Variants in WDR4 observed in about 807,000 individuals in gnomAD.
WDR4 encodes tRNA (guanine-N(7)-)-methyltransferase non-catalytic subunit WDR4.
WDR4 carries 47 observed loss-of-function variants against 48.6 expected under a neutral mutation model. The observed-to-expected ratio is 0.97, with a 90% CI of 0.77 to 1.23. WDR4 has a LOEUF of 1.23. Among genes scored for constraint, WDR4 ranks in the 50% most tolerant of loss-of-function variants. The probability of loss-of-function intolerance (pLI) is 0.00; values close to 1 mark genes in which losing one functional copy is unlikely to be tolerated. For missense variants in WDR4, 606 were observed against 551.6 expected (o/e 1.10, Z -0.99); for synonymous variants, 268 against 230.0 (o/e 1.17, Z -1.49).
intron 3 of WDR4, among the ~76,000 whole-genome samples, chr21:42,866,813 C>G (rs186564012): frequency 1.3e-5 from 2 of 152,104 alleles, no homozygotes; most frequent in Non-Finnish European, 2.9e-5. Context: ...GTTCACAAAC[C>G]CACAATTCTA....
chr21:42,878,107 G>C (rs2146116061), intron 1 of WDR4, among the ~76,000 whole-genome samples: 1 of 151,812 alleles, frequency 6.6e-6, no homozygotes, highest in South Asian at 2.1e-4. Flanking sequence ...GTGGGATTCT[G>C]TATACAAATT....
chr21:42,856,996 C>T (rs1302413260), intron 6 of WDR4, among the ~76,000 whole-genome samples: 1 of 152,138 alleles, frequency 6.6e-6, no homozygotes, highest in Admixed American at 6.6e-5. Flanking sequence ...GGGCTGGAGG[C>T]CAGGGAACAA....
At chr21:42,851,280 A>G (rs2057821085) in intron 10 of WDR4, among the ~76,000 whole-genome samples, 1 of 152,144 alleles carries the variant, frequency 6.6e-6, no homozygotes, top group Non-Finnish European at 1.5e-5. Context: ...AAGTGTTCCT[A>G]AAGCAGATCC....
chr21:42,851,756 C>G (rs957992912), intron 10 of WDR4, among the ~76,000 whole-genome samples: 4 of 152,234 alleles, frequency 2.6e-5, no homozygotes, highest in Non-Finnish European at 4.4e-5. Flanking sequence ...ATTCCCTCCC[C>G]TCAGCTGAGT....
At chr21:42,847,348 T>C (rs1412228662), downstream of WDR4, among the ~76,000 whole-genome samples, 7 of 152,100 alleles carry the variant, frequency 4.6e-5, no homozygotes, top group Admixed American at 1.3e-4. Context: ...GTAAGAGGTA[T>C]TTCTGGGATG....
intron 10 of WDR4, among the ~76,000 whole-genome samples, chr21:42,851,271 A>G (rs955554192): frequency 6.6e-6 from 1 of 152,180 alleles, no homozygotes; most frequent in Non-Finnish European, 1.5e-5. Context: ...CCCACTCTGA[A>G]GTGTTCCTAA....
At chr21:42,854,257 G>A (rs932244659) in intron 8 of WDR4, among the ~76,000 whole-genome samples, 12 of 152,364 alleles carry the variant, frequency 7.9e-5, no homozygotes, top group East Asian at 3.9e-4. Flanking sequence ...CGAGCCGGGA[G>A]TGAGGTGATG....
At chr21:42,892,673 C>A in the WDR4 span, among the ~76,000 whole-genome samples, 1 of 152,184 alleles carries the variant, frequency 6.6e-6, no homozygotes, top group Non-Finnish European at 1.5e-5. Flanking sequence ...TCCACAATTA[C>A]GACTAACGTT....
chr21:42,876,218 C>CTTTTTTTTT (rs373181618), intron 2 of WDR4, among the ~76,000 whole-genome samples: 34 of 105,870 alleles, frequency 3.2e-4, no homozygotes, highest in African/African-American at 9.4e-4. Flanking sequence ...ACACTGTACT[C>CTTTTTTTTT]TTTTTTTTTT....
At chr21:42,855,928 T>C (rs1317052725) in intron 6 of WDR4, 148 bp from the exon 7 acceptor site, 4 of 516,974 alleles carry the variant, frequency 7.7e-6, no homozygotes, top group Non-Finnish European at 1.3e-5. Context: ...CTGCTCTGAC[T>C]GTGTAAATCG....
chr21:42,859,293 G>A (rs1244295033), intron 6 of WDR4, among the ~76,000 whole-genome samples: 2 of 152,012 alleles, frequency 1.3e-5, no homozygotes, highest in Non-Finnish European at 2.9e-5. Flanking sequence ...GAAAAAAAAT[G>A]CAGCCCGTAA....
At chr21:42,892,270 T>A in the WDR4 span, among the ~76,000 whole-genome samples, 7 of 77,186 alleles carry the variant, frequency 9.1e-5, no homozygotes, top group South Asian at 3.4e-4. Flanking sequence ...AAAAAAAAAA[T>A]TTAAACAAAA....
rs374164295 is a variant in WDR4, at chr21:42,859,754, C to T, written c.567-32G>A. Reference sequence around the variant, plus strand: ...GGGCGAGAGAGAGCGGCAGAGTCAGCGAGCCCAGCGCCCGCAGGGACCGGG... The same window carrying T: ...GGGCGAGAGAGAGCGGCAGAGTCAGTGAGCCCAGCGCCCGCAGGGACCGGG... On this transcript the variant is annotated intron_variant, in intron 5 of 10. Transcript: ENST00000398208. 1.3e-4 allele frequency: 209 copies of T among 1,552,072 alleles called. 1 individual carries two copies. Among genetic ancestry groups the T allele is most frequent in the Admixed American group, 4.7e-4 (24 of 51,100 alleles).
chr21:42,854,187 C>G (rs985311030), intron 8 of WDR4, among the ~76,000 whole-genome samples: 3 of 152,228 alleles, frequency 2.0e-5, no homozygotes. Context: ...AACTGCACTC[C>G]ACCCCTAAAC....
intron 6 of WDR4, among the ~76,000 whole-genome samples, 189 bp from the exon 7 acceptor site, chr21:42,855,969 G>A (rs2057980017): frequency 1.3e-5 from 2 of 152,234 alleles, no homozygotes; most frequent in South Asian, 2.1e-4. Context: ...CAACGGTGGG[G>A]AACGGAAGGT....
intron 3 of WDR4, among the ~76,000 whole-genome samples, chr21:42,867,388 T>G (rs1373936550): frequency 9.6e-6 from 1 of 103,674 alleles, no homozygotes; most frequent in African/African-American, 3.9e-5. Context: ...GACACTCCGC[T>G]CCACCAAAAA....
chr21:42,861,601 T>A lies in WDR4; in HGVS notation c.566+681A>T, dbSNP rs147964214. Among the ~76,000 whole-genome samples the A allele has an allele frequency of 6.9e-4, 105 of 152,066 alleles. No homozygotes were observed. In the East Asian group the frequency reaches 0.017, roughly 25 times the overall value. On this transcript the variant is annotated intron_variant, in intron 5 of 10. Coordinates refer to ENST00000398208, the MANE Select transcript of WDR4 (RefSeq NM_018669.6). ...GGATCACTAGCGAACTAAATGCAAG[T>A]CAGAAGAAGCTATCCTGAGGCACAC...
chr21:42,879,259 T>C (rs1177316985), intron 1 of WDR4, 148 bp downstream of exon 1: 1 of 1,365,946 alleles, frequency 7.3e-7, no homozygotes, highest in African/African-American at 1.5e-5. Flanking sequence ...AGGCCGAGAC[T>C]GCGGCGGAGG....
At chr21:42,892,867 A>G in the WDR4 span, among the ~76,000 whole-genome samples, 2 of 152,226 alleles carry the variant, frequency 1.3e-5, no homozygotes, top group Admixed American at 6.5e-5. Context: ...CCCGAGCTGA[A>G]GAGCTTTAAA....
Sources: allele counts gnomAD v4.1 joint callset (sites outside exome capture counted in the v4.1 genomes callset), GRCh38; gene constraint gnomAD v4.1.1; transcripts MANE v1.5; gene names NCBI Gene and HGNC (gene_info 2026-07-23, HGNC 2026-07-21).